The following TBCK variants were observed in gnomAD, a reference collection of about 807,000 sequenced individuals.
TBCK encodes TBC1 domain containing kinase.
TBCK carries 99 observed loss-of-function variants against 113.4 expected under a neutral mutation model. The observed-to-expected ratio is 0.87, with a 90% confidence interval of 0.74 to 1.03. The LOEUF (loss-of-function observed/expected upper bound fraction) is 1.03, where lower values mean the gene tolerates loss of function less well. Ranked by LOEUF, TBCK falls within the 50% of genes least tolerant of loss-of-function variation. The pLI is 0.00. For synonymous variants in TBCK, 369 were observed against 370.8 expected (o/e 1.00, Z 0.05); for missense variants, 1,045 against 1,061.3 (o/e 0.98, Z 0.21).
At chr4:106,088,680 A>G (rs970670557) in intron 25 of TBCK, among the ~76,000 whole-genome samples, 2 of 152,230 alleles carry the variant, frequency 1.3e-5, no homozygotes, top group East Asian at 1.9e-4. Context: ...ATGCCCATCA[A>G]TGATAGACTG....
chr4:106,155,143 A>AG (rs1186658732), intron 23 of TBCK, among the ~76,000 whole-genome samples: 3 of 145,720 alleles, frequency 2.1e-5, no homozygotes, highest in Admixed American at 2.0e-4. Flanking sequence ...TTCTAGGGTA[A>AG]AATTTTTTTT....
intron 23 of TBCK, among the ~76,000 whole-genome samples, chr4:106,150,363 T>C (rs545526361): frequency 3.3e-5 from 5 of 152,122 alleles, no homozygotes; most frequent in Non-Finnish European, 7.4e-5. Context: ...TACAAAGATA[T>C]GAGTTGTGAG....
At chr4:106,105,535 G>A (rs1742049860) in intron 24 of TBCK, among the ~76,000 whole-genome samples, 1 of 152,208 alleles carries the variant, frequency 6.6e-6, no homozygotes, top group Admixed American at 6.5e-5. Context: ...GAACATGGCT[G>A]CAACTATGAG....
chr4:106,311,916 A>G (rs1768240287), intron 1 of TBCK, among the ~76,000 whole-genome samples: 1 of 152,178 alleles, frequency 6.6e-6, no homozygotes, highest in Non-Finnish European at 1.5e-5. Context: ...TACATCCACA[A>G]AAATCTAAGA....
chr4:106,115,604 T>C (rs922140271), intron 24 of TBCK, among the ~76,000 whole-genome samples: 1 of 152,122 alleles, frequency 6.6e-6, no homozygotes, highest in Admixed American at 6.5e-5. Context: ...TTCTAGAAAA[T>C]ACACAATCAA....
intron 25 of TBCK, among the ~76,000 whole-genome samples, chr4:106,090,936 C>A (rs936722576): frequency 6.6e-6 from 1 of 152,190 alleles, no homozygotes; most frequent in African/African-American, 2.4e-5. Flanking sequence ...ATTTTCCTGT[C>A]TTCTTCTGAG....
chr4:106,089,724 AG>A (rs1739984661), intron 25 of TBCK, among the ~76,000 whole-genome samples: 3 of 152,232 alleles, frequency 2.0e-5, no homozygotes, highest in Admixed American at 1.3e-4. Flanking sequence ...CGCCCACACA[AG>A]TCTGAAACTC....
At chr4:106,285,223 T>A (rs997199783) in intron 3 of TBCK, among the ~76,000 whole-genome samples, 1 of 152,044 alleles carries the variant, frequency 6.6e-6, no homozygotes, top group South Asian at 2.1e-4. Context: ...TAGCCAACTA[T>A]CCACACAAAT....
At chr4:106,120,814 G>C (rs1306982254) in intron 23 of TBCK, among the ~76,000 whole-genome samples, 3 of 152,136 alleles carry the variant, frequency 2.0e-5, no homozygotes, top group Non-Finnish European at 4.4e-5. Flanking sequence ...AAACCCATCT[G>C]TACATCACCA....
chr4:106,064,785 C>A (rs1462441730), intron 25 of TBCK, among the ~76,000 whole-genome samples: 1 of 151,900 alleles, frequency 6.6e-6, no homozygotes, highest in East Asian at 1.9e-4. Context: ...TTGGAGCTTT[C>A]AATTTCTTCT....
At chr4:106,262,029 T>G (rs1395496387) in intron 4 of TBCK, 69 bp downstream of exon 4, 1 of 767,948 alleles carries the variant, frequency 1.3e-6, no homozygotes, top group Non-Finnish European at 2.1e-6. Context: ...TCTGACTGAG[T>G]AGCCCTGATC....
intron 23 of TBCK, among the ~76,000 whole-genome samples, chr4:106,156,764 A>G (rs1749173679): frequency 6.6e-6 from 1 of 152,118 alleles, no homozygotes; most frequent in Non-Finnish European, 1.5e-5. Context: ...TCTTCAGTGT[A>G]GTTTCCCTTT....
chr4:106,045,600 G>A lies in TBCK; in HGVS notation c.*970C>T, dbSNP rs998625047. 6.6e-6 allele frequency: 1 copy of A among 152,166 alleles called. No individual in the cohort carries two copies. The highest frequency in any genetic ancestry group is 1.5e-5 in the Non-Finnish European group (1 of 68,034). The allele number at this position is 152,166 out of a possible 1,614,324, so 9.4% of individuals were successfully genotyped here. On this transcript the variant is annotated 3_prime_UTR_variant, in exon 26 of 26. Coordinates refer to ENST00000394708, the MANE Select transcript of TBCK (RefSeq NM_001163435.3). Reference sequence around the variant, plus strand: ...TTCTGGCCAATGATATGTAAGCAGAGGTAGTGTGCGCAACTTCTGGTTTAT... The same window carrying A: ...TTCTGGCCAATGATATGTAAGCAGAAGTAGTGTGCGCAACTTCTGGTTTAT...
intron 23 of TBCK, among the ~76,000 whole-genome samples, chr4:106,133,664 C>T (rs1746218939): frequency 6.6e-6 from 1 of 152,188 alleles, no homozygotes. Context: ...TGTTTATCTA[C>T]ATTTTCACAA....
chr4:106,180,839 C>T (rs959946581), intron 22 of TBCK, among the ~76,000 whole-genome samples: 2 of 152,104 alleles, frequency 1.3e-5, no homozygotes, highest in East Asian at 1.9e-4. Flanking sequence ...CCACAATAAA[C>T]GTATGTGTGC....
rs1341980190 is a variant in TBCK at position 106,165,600 on chromosome 4, A to G, written c.2235+5495T>C. Among the ~76,000 whole-genome samples, 14 of 151,776 alleles carry G rather than the reference A, an allele frequency of 9.2e-5. 1 individual carries two copies. The highest frequency in any genetic ancestry group is 9.2e-4 in the Admixed American group (14 of 15,230). On this transcript the variant is annotated intron_variant, in intron 23 of 25. Coordinates refer to ENST00000394708, the MANE Select transcript of TBCK (RefSeq NM_001163435.3). Reference sequence around the variant, plus strand: ...TTATTTAGATATAGAAGACTGTCATAAAGTTCTTGGGCAGACTGCAAAGTA... The same window carrying G: ...TTATTTAGATATAGAAGACTGTCATGAAGTTCTTGGGCAGACTGCAAAGTA...
intron 3 of TBCK, among the ~76,000 whole-genome samples, chr4:106,268,603 C>CA (rs1479500286): frequency 4.6e-5 from 7 of 151,712 alleles, no homozygotes; most frequent in African/African-American, 9.7e-5. Context: ...TGGCTATCCA[C>CA]AAAAAAAATT....
At chr4:106,204,344 G>A (rs912270612) in intron 20 of TBCK, among the ~76,000 whole-genome samples, 1 of 152,216 alleles carries the variant, frequency 6.6e-6, no homozygotes, top group Admixed American at 6.5e-5. Context: ...CTCTACACCA[G>A]CTTTCTTAAA....
rs183064986 is a variant in TBCK at position 106,152,561 on chromosome 4, T to C, written c.2235+18534A>G. 6.2e-3 allele frequency among the ~76,000 whole-genome samples: 949 copies of C among 152,144 alleles called. 15 individuals carry two copies. Among genetic ancestry groups the C allele is most frequent in the Non-Finnish European group, 6.2e-3 (419 of 67,924 alleles). ...TACAGTTTTCTTTTTTTGATTTGTG[T>C]TTATCTGGTTTTGGTATCAGGGTAA... On this transcript the variant is annotated intron_variant, in intron 23 of 25. Transcript: ENST00000394708.
Sources: gnomAD v4.1 joint callset for allele counts (sites outside exome capture counted in the v4.1 genomes callset) on GRCh38, gnomAD v4.1.1 for gene constraint, MANE v1.5 for transcripts, NCBI Gene and HGNC (gene_info 2026-07-23, HGNC 2026-07-21) for gene names.